Variants in ZMAT4 observed in about 807,000 individuals in gnomAD.
ZMAT4 encodes the protein zinc finger matrin-type protein 4.
A neutral mutation model predicts 28.7 loss-of-function variants in ZMAT4; 17 were observed. That is an observed-to-expected ratio of 0.59 (90% CI 0.41 to 0.89). The LOEUF is 0.89. ZMAT4 is among the 40% of genes least tolerant of loss of function. ZMAT4 has a pLI of 0.00. For synonymous variants in ZMAT4, 117 were observed against 109.2 expected, an observed-to-expected ratio of 1.07 and a Z score of -0.44; for missense variants, 240 against 283.8, an observed-to-expected ratio of 0.85 and a Z score of 1.11.
chr8:40,619,086 T>G (rs1054764162), intron 5 of ZMAT4, among the ~76,000 whole-genome samples: 1 of 151,964 alleles, frequency 6.6e-6, no homozygotes, highest in Non-Finnish European at 1.5e-5. Context: ...GCATCATTGG[T>G]GATTGGTTGC....
At chr8:40,713,784 C>T (rs1264137753) in intron 3 of ZMAT4, among the ~76,000 whole-genome samples, 1 of 151,668 alleles carries the variant, frequency 6.6e-6, no homozygotes, top group Non-Finnish European at 1.5e-5. Flanking sequence ...TGGCAGGTCC[C>T]TGTAATCCCA....
At chr8:40,858,211 T>C (rs1025811795) in intron 1 of ZMAT4, among the ~76,000 whole-genome samples, 2 of 152,310 alleles carry the variant, frequency 1.3e-5, no homozygotes, top group South Asian at 4.2e-4. Flanking sequence ...ACTCAAGAGC[T>C]CCAACAGACA....
Position 40,601,468 on chromosome 8 carries a change from G to GGAAA in ZMAT4, c.578-20211_578-20208dup, listed in dbSNP as rs71224836. Among the ~76,000 whole-genome samples, 8 of 19,974 alleles carry GGAAA rather than the reference G, an allele frequency of 4.0e-4. 1 individual carries two copies. The highest frequency in any genetic ancestry group is 7.9e-4 in the Admixed American group (1 of 1,258). 13.1% of individuals were successfully genotyped at this position (19,974 alleles called of 152,430 possible). ...AGGAAGGAAGGAAGGGAGGAAGAAA[G>GGAAA]GAAAGAAAGAAAGAAAGAAAGAAAG... On this transcript the variant is annotated intron_variant, in intron 5 of 6. Transcript: ENST00000297737.
chr8:40,801,826 T>C (rs2150587835), intron 2 of ZMAT4, among the ~76,000 whole-genome samples: 1 of 152,176 alleles, frequency 6.6e-6, no homozygotes, highest in South Asian at 2.1e-4. Context: ...TGCAAAATTT[T>C]CCAACAAAAT....
intron 1 of ZMAT4, among the ~76,000 whole-genome samples, chr8:40,896,317 G>A (rs1563273151): frequency 6.6e-6 from 1 of 152,176 alleles, no homozygotes; most frequent in African/African-American, 2.4e-5. Flanking sequence ...ATGCAGTCTT[G>A]TCAGGACTGG....
chr8:40,720,830 A>AGAAGCCC (rs1811054951), intron 3 of ZMAT4, among the ~76,000 whole-genome samples: 1 of 151,534 alleles, frequency 6.6e-6, no homozygotes, highest in Non-Finnish European at 1.5e-5. Flanking sequence ...CCAGCCCGAT[A>AGAAGCCC]GACTCTTTTA....
At chr8:40,652,146 A>G (rs1807693605) in intron 5 of ZMAT4, among the ~76,000 whole-genome samples, 1 of 115,410 alleles carries the variant, frequency 8.7e-6, no homozygotes. Flanking sequence ...TGAACAGGCA[A>G]CCTACAAAAT....
chr8:40,623,139 A>C (rs1281834684), intron 5 of ZMAT4, among the ~76,000 whole-genome samples: 1 of 152,190 alleles, frequency 6.6e-6, no homozygotes, highest in Non-Finnish European at 1.5e-5. Flanking sequence ...AGTGCAAAGC[A>C]CTGAGCAAAA....
chr8:40,750,524 G>C (rs1032735766), intron 3 of ZMAT4, among the ~76,000 whole-genome samples: 1 of 152,198 alleles, frequency 6.6e-6, no homozygotes, highest in African/African-American at 2.4e-5. Flanking sequence ...CCCAGACATA[G>C]AAGGAAAGGA....
chr8:40,877,377 T>C (rs1186032724), intron 1 of ZMAT4, among the ~76,000 whole-genome samples: 2 of 152,194 alleles, frequency 1.3e-5, no homozygotes, highest in Non-Finnish European at 2.9e-5. Flanking sequence ...TGTGTGGCTG[T>C]GAAGTCCCCA....
intron 2 of ZMAT4, among the ~76,000 whole-genome samples, chr8:40,820,645 G>T (rs904907716): frequency 7.1e-6 from 1 of 140,082 alleles, no homozygotes; most frequent in Non-Finnish European, 1.6e-5. Flanking sequence ...GGAGTGTCTC[G>T]GGCATGTGTG....
At chr8:40,687,541 T>C (rs959226064) in intron 4 of ZMAT4, among the ~76,000 whole-genome samples, 11 of 152,234 alleles carry the variant, frequency 7.2e-5, no homozygotes, top group South Asian at 2.1e-4. Context: ...GAAGTCATTC[T>C]ATACCCTACA....
chr8:40,833,493 G>A (rs970562603), intron 1 of ZMAT4, among the ~76,000 whole-genome samples: 15 of 146,688 alleles, frequency 1.0e-4, no homozygotes, highest in African/African-American at 3.3e-4. Context: ...ACTTGAACCC[G>A]GCAGGCAGAG....
rs533563311 is a variant in ZMAT4, at chr8:40,697,565, A to T, written c.193-164T>A. ...TTTCTACTCTCTTCTTTTTTAAAAA[A>T]TTTTTTTATTATACTTTAAGTTCTG... On this transcript the variant is annotated intron_variant, in intron 3 of 6. Coordinates refer to ENST00000297737, the MANE Select transcript of ZMAT4 (RefSeq NM_024645.3). 1.7e-3 allele frequency among the ~76,000 whole-genome samples: 263 copies of T among 151,922 alleles called. 1 individual carries two copies. The highest frequency in any genetic ancestry group is 6.0e-3 in the African/African-American group (250 of 41,386).
intron 2 of ZMAT4, among the ~76,000 whole-genome samples, chr8:40,794,723 A>G (rs911604239): frequency 6.6e-6 from 1 of 152,116 alleles, no homozygotes; most frequent in Non-Finnish European, 1.5e-5. Context: ...GGACACAGGT[A>G]TTCCCAGGTC....
At chr8:40,878,679 T>C (rs73619295) in intron 1 of ZMAT4, among the ~76,000 whole-genome samples, 1,675 of 152,340 alleles carry the variant, frequency 0.011, 33 homozygotes, top group African/African-American at 0.037. Context: ...GCACTCAATG[T>C]ACCACAGAAT....
At chr8:40,602,035 T>A (rs1805413927) in intron 5 of ZMAT4, among the ~76,000 whole-genome samples, 1 of 152,138 alleles carries the variant, frequency 6.6e-6, no homozygotes, top group African/African-American at 2.4e-5. Flanking sequence ...TTCCCTTGAG[T>A]CTCCAAAGTA....
rs566578181 is a variant in ZMAT4, at chr8:40,763,822, T to C, written c.192+3819A>G. On this transcript the variant is annotated intron_variant, in intron 3 of 6. Coordinates refer to ENST00000297737, the MANE Select transcript of ZMAT4 (RefSeq NM_024645.3). ...AATATTTCAGATCTGAAGGAAAGCA[T>C]GTATATTAAGAGTAGTAACACTGAT... Among the ~76,000 whole-genome samples the C allele has an allele frequency of 2.0e-4, 30 of 152,300 alleles. No homozygotes were observed. The South Asian group carries it at 5.2e-3, about 26-fold the overall frequency.
At chr8:40,869,764 T>C (rs1563256407) in intron 1 of ZMAT4, among the ~76,000 whole-genome samples, 2 of 152,178 alleles carry the variant, frequency 1.3e-5, no homozygotes, top group Non-Finnish European at 2.9e-5. Flanking sequence ...GTCTTATTCT[T>C]AGGCAACTGA....
Sources: gnomAD v4.1 joint callset for allele counts (sites outside exome capture counted in the v4.1 genomes callset) on GRCh38, gnomAD v4.1.1 for gene constraint, MANE v1.5 for transcripts, NCBI Gene and HGNC (gene_info 2026-07-23, HGNC 2026-07-21) for gene names.